SORCS3: variants seen among roughly 807,000 people sequenced by gnomAD.
The protein encoded by SORCS3 is VPS10 domain-containing receptor SorCS3.
SORCS3 carries 57 observed loss-of-function variants against 146.3 expected under a neutral mutation model. The observed-to-expected ratio is 0.39, with a 90% CI of 0.31 to 0.49. SORCS3 has a LOEUF of 0.49. Ranked by LOEUF, SORCS3 falls within the 20% of genes least tolerant of loss-of-function variation. SORCS3 has a pLI of 0.92. For missense variants in SORCS3, 1,341 were observed against 1,575.5 expected (o/e 0.85, Z 2.52); for synonymous variants, 653 against 618.5 (o/e 1.06, Z -0.83).
intron 1 of SORCS3, among the ~76,000 whole-genome samples, chr10:104,739,075 C>T (rs1344799110): frequency 1.3e-5 from 2 of 152,172 alleles, no homozygotes; most frequent in Non-Finnish European, 2.9e-5. Flanking sequence ...ATGGCTGGAT[C>T]CAGACTCAAA....
chr10:104,729,477 G>A (rs969641426), intron 1 of SORCS3, among the ~76,000 whole-genome samples: 3 of 152,206 alleles, frequency 2.0e-5, no homozygotes, highest in Non-Finnish European at 4.4e-5. Flanking sequence ...ATATGTAGGT[G>A]ACATGAAGAT....
At chr10:104,692,924 C>T (rs1395148524) in intron 1 of SORCS3, among the ~76,000 whole-genome samples, 3 of 152,122 alleles carry the variant, frequency 2.0e-5, no homozygotes, top group Non-Finnish European at 2.9e-5. Context: ...GAGGGCTGGC[C>T]CAAAGATCTG....
chr10:105,034,138 G>A (rs1028204612), intron 4 of SORCS3, among the ~76,000 whole-genome samples: 1 of 152,108 alleles, frequency 6.6e-6, no homozygotes, highest in South Asian at 2.1e-4. Flanking sequence ...TGGAATAAGA[G>A]AACGGAGAGC....
At chr10:104,882,688 A>G (rs540062127) in intron 2 of SORCS3, among the ~76,000 whole-genome samples, 13 of 152,214 alleles carry the variant, frequency 8.5e-5, no homozygotes, top group African/African-American at 2.4e-4. Context: ...AACATACACT[A>G]TGATTTTTTA....
intron 3 of SORCS3, among the ~76,000 whole-genome samples, chr10:104,944,227 C>T (rs1038028749): frequency 6.6e-6 from 1 of 152,148 alleles, no homozygotes; most frequent in African/African-American, 2.4e-5. Flanking sequence ...TTCTGGATTG[C>T]AGATATGACT....
intron 1 of SORCS3, among the ~76,000 whole-genome samples, chr10:104,799,181 A>G (rs1039958539): frequency 6.6e-6 from 1 of 152,218 alleles, no homozygotes; most frequent in Non-Finnish European, 1.5e-5. Flanking sequence ...TGACCCAGCA[A>G]TCCCATTACT....
intron 5 of SORCS3, among the ~76,000 whole-genome samples, chr10:105,078,479 A>C (rs977898444): frequency 2.6e-5 from 4 of 152,184 alleles, no homozygotes; most frequent in African/African-American, 9.7e-5. Context: ...CAATAGTTAC[A>C]CAACTGGAAA....
intron 20 of SORCS3, among the ~76,000 whole-genome samples, chr10:105,244,518 G>A (rs1487901592): frequency 6.6e-6 from 1 of 152,042 alleles, no homozygotes; most frequent in Non-Finnish European, 1.5e-5. Flanking sequence ...AGCGGTCCTG[G>A]AACCAATCCT....
At chr10:105,178,485 C>T (rs1401142024) in intron 14 of SORCS3, among the ~76,000 whole-genome samples, 2 of 151,972 alleles carry the variant, frequency 1.3e-5, no homozygotes, top group African/African-American at 2.4e-5. Flanking sequence ...GTTTTTTTCT[C>T]TTTCCAAAAC....
At chr10:104,957,867 T>A (rs1239097942) in intron 3 of SORCS3, among the ~76,000 whole-genome samples, 1 of 152,074 alleles carries the variant, frequency 6.6e-6, no homozygotes, top group South Asian at 2.1e-4. Flanking sequence ...CTGCGTCACG[T>A]TGAGAAGGGA....
chr10:104,976,922 G>A (rs1259942547), intron 3 of SORCS3, among the ~76,000 whole-genome samples: 1 of 152,124 alleles, frequency 6.6e-6, no homozygotes, highest in East Asian at 1.9e-4. Context: ...GGTGGGGGAA[G>A]GTGGGAGGGA....
In SORCS3 at chr10:105,116,657, A is replaced by G. The variant is rs114149009; in HGVS notation, c.1212+11142A>G. On this transcript the variant is annotated intron_variant, in intron 7 of 26. Coordinates refer to ENST00000369701, the MANE Select transcript of SORCS3 (RefSeq NM_014978.3). Reference sequence around the variant, plus strand: ...CCTAAATGCCCATCAATGGTAGACTAGATTAAAAAAAAATGGCACATATAC... The same window carrying G: ...CCTAAATGCCCATCAATGGTAGACTGGATTAAAAAAAAATGGCACATATAC... Among the ~76,000 whole-genome samples the G allele has an allele frequency of 2.4e-3, 360 of 152,260 alleles. 1 individual carries two copies. The highest frequency in any genetic ancestry group is 8.4e-3 in the African/African-American group (349 of 41,534).
At chr10:105,058,786 G>A (rs2055463169) in intron 5 of SORCS3, among the ~76,000 whole-genome samples, 1 of 152,080 alleles carries the variant, frequency 6.6e-6, no homozygotes, top group Non-Finnish European at 1.5e-5. Context: ...GAATACCTGA[G>A]GTGCTTGCTA....
chr10:104,964,104 CT>C (rs2054813184), intron 3 of SORCS3, among the ~76,000 whole-genome samples: 1 of 152,110 alleles, frequency 6.6e-6, no homozygotes, highest in Admixed American at 6.6e-5. Flanking sequence ...CTCCAATGCT[CT>C]ATTCGACATG....
At chr10:104,864,524 G>A (rs2018439676) in intron 2 of SORCS3, among the ~76,000 whole-genome samples, 1 of 152,144 alleles carries the variant, frequency 6.6e-6, no homozygotes, top group African/African-American at 2.4e-5. Context: ...AACAAAGCTT[G>A]TCCATAGGGT....
At chr10:105,193,341 C>T (rs1011832555) in intron 14 of SORCS3, among the ~76,000 whole-genome samples, 5 of 152,174 alleles carry the variant, frequency 3.3e-5, no homozygotes, top group African/African-American at 1.2e-4. Flanking sequence ...GCAGATGAAG[C>T]TATTACCTCA....
In SORCS3 at chr10:105,125,679, C is replaced by CCACACACACACACACACACACACA. The variant is rs71022752; in HGVS notation, c.1213-13711_1213-13688dup. ...ACATGCATGTTGCATCACTGAATAT[C>CCACACACACACACACACACACACA]CACACACACACACACACACACACAC... On this transcript the variant is annotated intron_variant, in intron 7 of 26. Coordinates refer to ENST00000369701, the MANE Select transcript of SORCS3 (RefSeq NM_014978.3). 9.0e-4 allele frequency among the ~76,000 whole-genome samples: 130 copies of CCACACACACACACACACACACACA among 144,482 alleles called. 1 individual carries two copies. The highest frequency in any genetic ancestry group is 2.2e-3 in the African/African-American group (83 of 38,484). The allele number at this position is 144,482 out of a possible 152,430, so 94.8% of individuals were successfully genotyped here.
chr10:104,767,747 C>G (rs867225286), intron 1 of SORCS3, among the ~76,000 whole-genome samples: 3 of 138,204 alleles, frequency 2.2e-5, no homozygotes, highest in Non-Finnish European at 3.1e-5. Flanking sequence ...TCTCCTCGCT[C>G]TCTTTCTGCT....
chr10:104,928,341 A>G (rs924422148), intron 3 of SORCS3, among the ~76,000 whole-genome samples: 2 of 152,162 alleles, frequency 1.3e-5, no homozygotes, highest in Admixed American at 1.3e-4. Flanking sequence ...TGCCCTCACT[A>G]GACCTTCTGG....
Sources: gnomAD v4.1 joint callset for allele counts (sites outside exome capture counted in the v4.1 genomes callset) on GRCh38, gnomAD v4.1.1 for gene constraint, MANE v1.5 for transcripts, NCBI Gene and HGNC (gene_info 2026-07-23, HGNC 2026-07-21) for gene names.